Variants in AOAH observed in about 807,000 individuals in gnomAD.
The protein encoded by AOAH is acyloxyacyl hydrolase.
Under a neutral mutation model 92.2 loss-of-function variants are expected in AOAH, and 64 were observed. The ratio of observed to expected loss-of-function variants is 0.69; its 90% CI spans 0.57 to 0.86. AOAH has a LOEUF of 0.86. Ranked by LOEUF, AOAH falls within the 40% of genes least tolerant of loss-of-function variation. The pLI is 0.00. For missense variants in AOAH, 656 were observed against 694.6 expected, an observed-to-expected ratio of 0.94 and a Z score of 0.62; for synonymous variants, 263 against 254.5, an observed-to-expected ratio of 1.03 and a Z score of -0.32.
Position 36,516,639 on chromosome 7 carries a change from C to T in AOAH, c.1600-3259G>A, listed in dbSNP as rs1406756999. On this transcript the variant is annotated intron_variant, in intron 20 of 20. Coordinates refer to ENST00000617537, the MANE Select transcript of AOAH (RefSeq NM_001637.4). The surrounding 1 kb of genome is among the most constrained non-coding windows in gnomAD (Gnocchi z 5.0). ...ATCAGGACCTTTGAAGACAGAGGCC[C>T]GGGCTTGTGGCTGTTTTCCTGCCAT... is the stretch of plus-strand genomic sequence containing the variant. Among the ~76,000 whole-genome samples the T allele has an allele frequency of 6.6e-6, 1 of 152,192 alleles. No homozygotes were observed. The highest frequency in any genetic ancestry group is 2.1e-4 in the South Asian group (1 of 4,834).
At chr7:36,708,167 G>A (rs924637135) in intron 1 of AOAH, among the ~76,000 whole-genome samples, 2 of 103,618 alleles carry the variant, frequency 1.9e-5, no homozygotes, top group African/African-American at 7.6e-5. Flanking sequence ...CGGAACTCCC[G>A]TTTTATAAAT....
rs866631367 is a variant in AOAH at position 36,536,115 on chromosome 7, C to T, written c.1307-3771G>A. Among the ~76,000 whole-genome samples the T allele has an allele frequency of 9.2e-5, 14 of 152,128 alleles. 1 individual carries two copies. Among genetic ancestry groups the T allele is most frequent in the African/African-American group, 2.9e-4 (12 of 41,430 alleles). The stretch of plus-strand genomic sequence containing the variant: ...GGCAGGAGTGAGACACCCACCTGCT[C>T]TTGTTCTGGGCCTCTGAGTGTCCTG... On this transcript the variant is annotated intron_variant, in intron 16 of 20. Transcript: ENST00000617537.
chr7:36,521,648 A>G (rs534916610), intron 20 of AOAH, among the ~76,000 whole-genome samples: 29 of 150,964 alleles, frequency 1.9e-4, no homozygotes, highest in African/African-American at 6.6e-4. Context: ...CTTCCAAAAA[A>G]TCCTCGTCAT....
Position 36,530,439 on chromosome 7 carries a change from T to C in AOAH, c.1501A>G (p.Met501Val), listed in dbSNP as rs779001546. Residue 501 changes from methionine (M) to valine (V), a missense_variant, in exon 19 of 21, where the codon ATG becomes GTG. Met to Val is a conservative substitution (Grantham distance 21, BLOSUM62 1). Transcript: ENST00000617537. ...EKFTNFNLFY[M>V]DFAFHEIIQE... ...TTACTTTCATGGAAGGCAAAATCCA[T>C]GTAGAAAAGATTGAAGTTTGTAAAT... is the stretch of plus-strand genomic sequence containing the variant. The C allele has an allele frequency of 9.9e-6, 16 of 1,612,952 alleles. No individual in the cohort carries two copies. The East Asian group carries it at 2.7e-4, about 27-fold the overall frequency.
chr7:36,543,049 G>A (rs897914559), intron 15 of AOAH, among the ~76,000 whole-genome samples: 2 of 152,176 alleles, frequency 1.3e-5, no homozygotes, highest in Non-Finnish European at 2.9e-5. Context: ...TCTAAACTAT[G>A]TCATGGATCG....
In AOAH at chr7:36,686,796, T is replaced by C; in HGVS notation, c.128-2A>G. On this transcript the variant is annotated splice_acceptor_variant, in intron 1 of 20. Coordinates refer to ENST00000617537, the MANE Select transcript of AOAH (RefSeq NM_001637.4). LOFTEE classifies it high-confidence loss of function. ...TTACAGACACCACCAGCACACACCCTGCCAGGGAGGAGAAGAACATGTAAT... is the reference window on the plus strand; with the variant it reads ...TTACAGACACCACCAGCACACACCCCGCCAGGGAGGAGAAGAACATGTAAT... 6.5e-7 allele frequency: 1 copy of C among 1,535,882 alleles called. No individual in the cohort carries two copies. Among genetic ancestry groups the C allele is most frequent in the Non-Finnish European group, 8.8e-7 (1 of 1,141,624 alleles).
chr7:36,592,454 G>A (rs1459636792), intron 12 of AOAH, among the ~76,000 whole-genome samples: 1 of 152,188 alleles, frequency 6.6e-6, no homozygotes, highest in African/African-American at 2.4e-5. Context: ...TCTACATGGG[G>A]AGGACTTCTC....
intron 15 of AOAH, among the ~76,000 whole-genome samples, chr7:36,546,926 AT>A (rs2116285248): frequency 6.6e-6 from 1 of 152,280 alleles, no homozygotes; most frequent in Admixed American, 6.5e-5. Flanking sequence ...CTCACTGTAT[AT>A]TTTAAAAAGT....
At position 36,513,349 on chromosome 7, in the gene AOAH, C is replaced by T. The variant is rs1301054817; in HGVS notation, c.1631G>A (p.Trp544Ter). The T allele has an allele frequency of 1.9e-6, 3 of 1,614,108 alleles. No individual in the cohort carries two copies. Among genetic ancestry groups the T allele is most frequent in the Admixed American group, 3.3e-5 (2 of 60,020 alleles). Reference sequence around the variant, plus strand: ...GGGCCACTGGAGCTGCACCTTTTTCCAGAAATGATCCGCCAACAACAGCAA... The same window carrying T: ...GGGCCACTGGAGCTGCACCTTTTTCTAGAAATGATCCGCCAACAACAGCAA... ...VALLLLADHFWKKVQLQWPQI... is the reference protein window; with the variant it reads ...VALLLLADHF Residue 544 changes from tryptophan (W) to a stop codon, truncating the protein, a stop_gained, in exon 21 of 21, where the codon TGG (tryptophan) becomes TAG (stop). Coordinates refer to ENST00000617537, the MANE Select transcript of AOAH (RefSeq NM_001637.4). LOFTEE classifies it high-confidence loss of function.
At chr7:36,664,568 T>C (rs1795425057) in intron 3 of AOAH, among the ~76,000 whole-genome samples, 1 of 152,184 alleles carries the variant, frequency 6.6e-6, no homozygotes, top group Non-Finnish European at 1.5e-5. Flanking sequence ...GCTTTGTTCT[T>C]CTCCTTCAAT....
chr7:36,591,166 G>A (rs1446340717), intron 12 of AOAH, among the ~76,000 whole-genome samples: 1 of 152,212 alleles, frequency 6.6e-6, no homozygotes, highest in Non-Finnish European at 1.5e-5. Flanking sequence ...CACAGGCACA[G>A]TACACAGAAA....
rs56357618 is a variant in AOAH at position 36,569,567 on chromosome 7, ATATCTATCTATCTATC to A, written c.1021+6991_1021+7006del. On this transcript the variant is annotated intron_variant, in intron 13 of 20. Coordinates refer to ENST00000617537, the MANE Select transcript of AOAH (RefSeq NM_001637.4). ...ATATATATAAAACTACCAGATTTAC[ATATCTATCTATCTATC>A]TATCTATCTATCTATCTATCTATCT... 1.9e-3 allele frequency among the ~76,000 whole-genome samples: 269 copies of A among 143,390 alleles called. 1 individual carries two copies. Among genetic ancestry groups the A allele is most frequent in the Middle Eastern group, 0.014 (4 of 288 alleles). 94.1% of individuals were successfully genotyped at this position (143,390 alleles called of 152,430 possible). A position where few individuals can be genotyped will look rare whatever the true frequency, so the allele number is the denominator to read the frequency against.
intron 15 of AOAH, among the ~76,000 whole-genome samples, chr7:36,545,172 C>T (rs969340688): frequency 2.6e-5 from 4 of 152,132 alleles, no homozygotes; most frequent in Non-Finnish European, 5.9e-5. Context: ...CCACTTTAGC[C>T]TCCTGAGTAG....
chr7:36,722,703 G>GC (rs1554329503), intron 1 of AOAH, among the ~76,000 whole-genome samples: 1 of 114,794 alleles, frequency 8.7e-6, no homozygotes, highest in African/African-American at 5.7e-5. Flanking sequence ...TGGGAGCCAA[G>GC]GGGGGCGGAT....
intron 19 of AOAH, among the ~76,000 whole-genome samples, chr7:36,525,234 A>T (rs907055747): frequency 6.6e-6 from 1 of 152,230 alleles, no homozygotes; most frequent in African/African-American, 2.4e-5. Flanking sequence ...GGCTAATAAA[A>T]AGTCTAGAAA....
intron 3 of AOAH, among the ~76,000 whole-genome samples, chr7:36,660,209 T>G (rs1271706028): frequency 6.6e-6 from 1 of 152,258 alleles, no homozygotes; most frequent in African/African-American, 2.4e-5. Flanking sequence ...TAAACAGCTT[T>G]ATTGCTCACG....
chr7:36,675,051 T>G (rs1796159990), intron 2 of AOAH, among the ~76,000 whole-genome samples: 1 of 152,136 alleles, frequency 6.6e-6, no homozygotes, highest in African/African-American at 2.4e-5. Context: ...GGTCAGGAGT[T>G]TGAGACCAGC....
intron 11 of AOAH, among the ~76,000 whole-genome samples, chr7:36,611,088 C>G (rs1363703116): frequency 6.6e-6 from 1 of 152,170 alleles, no homozygotes; most frequent in African/African-American, 2.4e-5. Context: ...ACATCCTGAG[C>G]AAAATGGATC....
At chr7:36,538,671 C>T (rs1785232738) in intron 16 of AOAH, among the ~76,000 whole-genome samples, 1 of 152,174 alleles carries the variant, frequency 6.6e-6, no homozygotes, top group Non-Finnish European at 1.5e-5. Context: ...GTACAATTTT[C>T]ATATCCCGTG....
Sources: allele counts gnomAD v4.1 joint callset (sites outside exome capture counted in the v4.1 genomes callset), GRCh38; gene constraint gnomAD v4.1.1; non-coding constraint Gnocchi (gnomAD v3.1); transcripts MANE v1.5; gene names NCBI Gene and HGNC (gene_info 2026-07-23, HGNC 2026-07-21).